Variants in GPSM2 observed in about 807,000 individuals in gnomAD.
The protein encoded by GPSM2 is G protein-signaling modulator 2.
A neutral mutation model predicts 78.4 loss-of-function variants in GPSM2; 58 were observed. That is an observed-to-expected ratio of 0.74 (90% confidence interval 0.60 to 0.92). GPSM2 has a LOEUF of 0.92. Among genes scored for constraint, GPSM2 ranks in the 40% least tolerant of loss-of-function variants. The pLI is 0.00. For synonymous variants in GPSM2, 224 were observed against 280.2 expected (o/e 0.80, Z 2.00); for missense variants, 700 against 815.5 (o/e 0.86, Z 1.73).
At chr1:108,903,260 T>C (rs1231233820) in intron 9 of GPSM2, 26 bp downstream of exon 9, 1 of 1,239,446 alleles carries the variant, frequency 8.1e-7, no homozygotes, top group Non-Finnish European at 1.2e-6. Context: ...AAATGCTGTC[T>C]GTGCTATTGT....
chr1:108,929,597 TA>T, intron 14 of GPSM2, 103 bp from the exon 15 acceptor site: 1 of 1,005,528 alleles, frequency 9.9e-7, no homozygotes, highest in Non-Finnish European at 1.6e-6. Flanking sequence ...AAGCCCCAAA[TA>T]AAAGTTTACA....
intron 10 of GPSM2, among the ~76,000 whole-genome samples, chr1:108,912,366 C>A (rs565382665): frequency 1.3e-5 from 2 of 152,166 alleles, no homozygotes; most frequent in East Asian, 3.9e-4. Context: ...ATATTCCTCA[C>A]ATATATGGAA....
intron 1 of GPSM2, among the ~76,000 whole-genome samples, chr1:108,878,101 G>A (rs1165670609): frequency 1.3e-5 from 2 of 152,196 alleles, no homozygotes; most frequent in Non-Finnish European, 2.9e-5. Flanking sequence ...AGGGTGTACC[G>A]AAGATTTCTG....
intron 2 of GPSM2, among the ~76,000 whole-genome samples, chr1:108,891,301 T>C (rs1647951060): frequency 6.6e-6 from 1 of 152,208 alleles, no homozygotes; most frequent in African/African-American, 2.4e-5. Context: ...TTAATTTTGT[T>C]AGCTCAATGT....
At chr1:108,899,037 A>G (rs1395528508) in intron 7 of GPSM2, 43 bp downstream of exon 7, 1 of 1,139,264 alleles carries the variant, frequency 8.8e-7, no homozygotes, top group Non-Finnish European at 1.3e-6. Flanking sequence ...ATGAATACTC[A>G]GTCCCATTAA....
rs1652243166 is a variant in GPSM2 at position 108,932,846 on chromosome 1, T to C, written c.*2906T>C. On this transcript the variant is annotated 3_prime_UTR_variant, in exon 15 of 15. Coordinates refer to ENST00000264126, the MANE Select transcript of GPSM2 (RefSeq NM_013296.5). The stretch of plus-strand genomic sequence containing the variant: ...ATCCTTTTGCATTTCTTAGAAAAAA[T>C]CACGTTTCTGATGAAATTCTAAAGA... 3 of 152,212 alleles carry C rather than the reference T, an allele frequency of 2.0e-5. No individual in the cohort carries two copies. The highest frequency in any genetic ancestry group is 2.0e-4 in the Admixed American group (3 of 15,282). 9.4% of individuals were successfully genotyped at this position (152,212 alleles called of 1,614,324 possible). A position where few individuals can be genotyped will look rare whatever the true frequency, so the allele number is the denominator to read the frequency against.
Position 108,904,272 on chromosome 1 carries a change from T to A in GPSM2, c.1192+18T>A. ...TTTGAATGGTAAGTAATAGGACTTT[T>A]AAAACCCAATTTTTTTATCCTCAAT... On this transcript the variant is annotated intron_variant, in intron 10 of 14. Coordinates refer to ENST00000264126, the MANE Select transcript of GPSM2 (RefSeq NM_013296.5). 2 of 1,495,996 alleles carry A rather than the reference T, an allele frequency of 1.3e-6. No homozygotes were observed. Among genetic ancestry groups the A allele is most frequent in the East Asian group, 2.3e-5 (1 of 44,006 alleles). 92.7% of individuals were successfully genotyped at this position (1,495,996 alleles called of 1,614,324 possible).
At position 108,898,685 on chromosome 1, in the gene GPSM2, C is replaced by G; in HGVS notation, c.601C>G (p.Gln201Glu). Residue 201 changes from glutamine (Q) to glutamate (E), a missense_variant, in exon 6 of 15, where the codon CAA (glutamine) becomes GAA (glutamate). By Grantham distance (29) the Gln-to-Glu change is conservative. Coordinates refer to ENST00000264126, the MANE Select transcript of GPSM2 (RefSeq NM_013296.5). ...GACTGCTTTGGGTGACCGAGCGGCA[C>G]AAGGACGTGCCTTTGGAAATCTTGG... ...LVTALGDRAA[Q>E]GRAFGNLGNT... 1 of 1,613,770 alleles carries G rather than the reference C, an allele frequency of 6.2e-7. No individual in the cohort carries two copies. Among genetic ancestry groups the G allele is most frequent in the Non-Finnish European group, 8.5e-7 (1 of 1,179,704 alleles).
rs757292862 is a variant in GPSM2, at chr1:108,904,161, A to G, written c.1099A>G (p.Asn367Asp). The change falls in exon 10 of 15, where the codon AAT becomes GAT. Residue 367 changes from asparagine to aspartate, a missense_variant. By Grantham distance (23) the Asn-to-Asp change is conservative (BLOSUM62 1). Transcript: ENST00000264126. ...AAGTGGTGAACTAACAGCACGACTTAATCTCTCAGACCTTCAAATGGTTCT... is the reference window on the plus strand; with the variant it reads ...AAGTGGTGAACTAACAGCACGACTTGATCTCTCAGACCTTCAAATGGTTCT... ...DKSGELTARL[N>D]LSDLQMVLGL... The G allele has an allele frequency of 6.3e-7, 1 of 1,599,660 alleles. No homozygotes were observed. The highest frequency in any genetic ancestry group is 8.6e-7 in the Non-Finnish European group (1 of 1,167,494).
rs149564891 is a variant in GPSM2 at position 108,915,770 on chromosome 1, A to C, written c.1263+1362A>C. On this transcript the variant is annotated intron_variant, in intron 11 of 14. Coordinates refer to ENST00000264126, the MANE Select transcript of GPSM2 (RefSeq NM_013296.5). ...TATTTAGCCACTGTGGTATATTTTT[A>C]AAAATGCTTTTATAAAATACCTTCA... 8.9e-3 allele frequency among the ~76,000 whole-genome samples: 1,346 copies of C among 152,074 alleles called. 8 individuals carry two copies. Among genetic ancestry groups the C allele is most frequent in the Middle Eastern group, 0.031 (9 of 294 alleles).
At chr1:108,919,315 A>G (rs1444927139) in intron 12 of GPSM2, among the ~76,000 whole-genome samples, 1 of 151,968 alleles carries the variant, frequency 6.6e-6, no homozygotes, top group Non-Finnish European at 1.5e-5. Flanking sequence ...GCCAATAATT[A>G]TTTATTTGAG....
At chr1:108,888,087 TCACC>T (rs1343212935) in intron 2 of GPSM2, among the ~76,000 whole-genome samples, 3 of 152,230 alleles carry the variant, frequency 2.0e-5, no homozygotes, top group African/African-American at 7.2e-5. Flanking sequence ...TATCACTCTG[TCACC>T]CAGGCTGGAG....
rs55909258 is a variant in GPSM2, at chr1:108,917,611, C to CATATATATATAT, written c.1264-958_1264-947dup. On this transcript the variant is annotated intron_variant, in intron 11 of 14. Coordinates refer to ENST00000264126, the MANE Select transcript of GPSM2 (RefSeq NM_013296.5). The stretch of plus-strand genomic sequence containing the variant: ...ACAAATGTATACACACACACACACA[C>CATATATATATAT]ATATATATATATATATATATATATA... 5.3e-3 allele frequency among the ~76,000 whole-genome samples: 118 copies of CATATATATATAT among 22,446 alleles called. 6 individuals carry two copies. The highest frequency in any genetic ancestry group is 7.1e-3 in the Non-Finnish European group (90 of 12,588). The allele number at this position is 22,446 out of a possible 152,430, so 14.7% of individuals were successfully genotyped here.
intron 2 of GPSM2, among the ~76,000 whole-genome samples, chr1:108,888,630 G>A (rs373867355): frequency 4.6e-5 from 7 of 152,304 alleles, no homozygotes; most frequent in East Asian, 1.9e-4. Context: ...ATGAGCTGCC[G>A]TGCCCAGCTG....
At chr1:108,908,456 C>G (rs913383443) in intron 10 of GPSM2, among the ~76,000 whole-genome samples, 14 of 146,198 alleles carry the variant, frequency 9.6e-5, no homozygotes, top group African/African-American at 3.6e-4. Flanking sequence ...AGCCGAGGCA[C>G]GTGGATCACG....
chr1:108,903,343 G>A, intron 9 of GPSM2, 109 bp downstream of exon 9: 2 of 686,790 alleles, frequency 2.9e-6, no homozygotes, highest in Non-Finnish European at 5.3e-6. Context: ...TAATAAATTT[G>A]ATTATATATC....
intron 2 of GPSM2, among the ~76,000 whole-genome samples, chr1:108,892,668 G>C (rs2101372139): frequency 6.6e-6 from 1 of 152,162 alleles, no homozygotes; most frequent in East Asian, 1.9e-4. Flanking sequence ...CAACCCAACT[G>C]GTAAACAAAG....
Position 108,924,215 on chromosome 1 carries a change from G to A in GPSM2, c.1815+1G>A. 1.9e-6 allele frequency: 3 copies of A among 1,588,252 alleles called. No homozygotes were observed. The highest frequency in any genetic ancestry group is 2.2e-5 in the East Asian group (1 of 44,796). ...CTTTGACATCCTTGTAAAATGTCAA[G>A]TATGTCTGTATATTTTTTTCGTTCT... is the stretch of plus-strand genomic sequence containing the variant. On this transcript the variant is annotated splice_donor_variant, in intron 14 of 14. Transcript: ENST00000264126. LOFTEE classifies it high-confidence loss of function.
intron 3 of GPSM2, 56 bp downstream of exon 3, chr1:108,897,141 A>G: frequency 8.0e-7 from 1 of 1,251,056 alleles, no homozygotes; most frequent in South Asian, 1.2e-5. Flanking sequence ...ATTACTTTAA[A>G]AAATATTTCT....
Sources: gnomAD v4.1 joint callset for allele counts (sites outside exome capture counted in the v4.1 genomes callset) on GRCh38, gnomAD v4.1.1 for gene constraint, MANE v1.5 for transcripts, NCBI Gene and HGNC (gene_info 2026-07-23, HGNC 2026-07-21) for gene names.